The following NEB variants were observed in gnomAD, a reference collection of about 807,000 sequenced individuals.
The protein encoded by NEB is nemaline myopathy type 2.
Under a neutral mutation model 952.2 loss-of-function variants are expected in NEB, and 512 were observed. That is an observed-to-expected ratio of 0.54 (90% confidence interval 0.50 to 0.58). The LOEUF is 0.58. NEB is among the 20% of genes least tolerant of loss of function. The probability of loss-of-function intolerance (pLI) is 0.00; values close to 1 mark genes in which losing one functional copy is unlikely to be tolerated. For missense variants in NEB, 8,428 were observed against 9,231.1 expected, an observed-to-expected ratio of 0.91 and a Z score of 3.56; for synonymous variants, 2,900 against 3,149.8, an observed-to-expected ratio of 0.92 and a Z score of 2.66.
intron 142 of NEB, 81 bp downstream of exon 142, chr2:151,535,610 A>G (rs2093012694): frequency 1.2e-6 from 1 of 817,340 alleles, no homozygotes; most frequent in African/African-American, 1.7e-5. Flanking sequence ...CATTCTGTGT[A>G]TTGGGCTTTA....
chr2:151,537,852 T>C lies in NEB; in HGVS notation c.21102+20A>G. On this transcript the variant is annotated intron_variant, in intron 140 of 181. Coordinates refer to ENST00000397345, the MANE Select transcript of NEB (RefSeq NM_001164508.2). ...GGGAATATGAATTTATATGTGAAAA[T>C]AGAAGATGTCAACACTCACATCACT... 4.0e-6 allele frequency: 6 copies of C among 1,488,650 alleles called. No homozygotes were observed. The highest frequency in any genetic ancestry group is 5.5e-6 in the Non-Finnish European group (6 of 1,093,844). The allele number at this position is 1,488,650 out of a possible 1,614,324, so 92.2% of individuals were successfully genotyped here.
At chr2:151,690,378 G>T in intron 24 of NEB, 2 of 194,108 alleles carry the variant, frequency 1.0e-5, no homozygotes, top group South Asian at 9.2e-5. Flanking sequence ...TTCAAGAATC[G>T]GAAATATTTG....
chr2:151,509,652 G>A (rs1051577753), intron 161 of NEB, among the ~76,000 whole-genome samples: 2 of 151,984 alleles, frequency 1.3e-5, no homozygotes, highest in African/African-American at 4.8e-5. Context: ...TTTTTGAGGC[G>A]GAGTTTCGCA....
At chr2:151,725,213 G>A (rs1460729881) in intron 6 of NEB, among the ~76,000 whole-genome samples, 2 of 152,250 alleles carry the variant, frequency 1.3e-5, no homozygotes, top group African/African-American at 2.4e-5. Context: ...GAACCACAGT[G>A]AGTTGGAGCT....
Position 151,617,469 on chromosome 2 carries a change from CTA to C in NEB, c.11077-3_11077-2del. ...TGTCCCAGGCTTCAGTATATAAGCG[CTA>C]CAAAAAAAAAAAAAAAAGAGAGAGA... On this transcript the variant is annotated splice_acceptor_variant and splice_polypyrimidine_tract_variant and intron_variant, in intron 74 of 181. Coordinates refer to ENST00000397345, the MANE Select transcript of NEB (RefSeq NM_001164508.2). LOFTEE classifies it high-confidence loss of function. The C allele has an allele frequency of 8.3e-7, 1 of 1,203,434 alleles. No individual in the cohort carries two copies. Among genetic ancestry groups the C allele is most frequent in the Non-Finnish European group, 1.1e-6 (1 of 916,616 alleles). 74.5% of individuals were successfully genotyped at this position (1,203,434 alleles called of 1,614,324 possible). A position where few individuals can be genotyped will look rare whatever the true frequency, so the allele number is the denominator to read the frequency against.
chr2:151,508,951 G>A (rs575979401), intron 161 of NEB, among the ~76,000 whole-genome samples: 2 of 152,280 alleles, frequency 1.3e-5, no homozygotes, highest in Admixed American at 1.3e-4. Context: ...ATCATCGCTT[G>A]TCACTGTCCT....
chr2:151,620,347 GTATATATATATATATATATATA>G (rs71000481), intron 72 of NEB, among the ~76,000 whole-genome samples: 12 of 48,464 alleles, frequency 2.5e-4, no homozygotes, highest in South Asian at 1.8e-3. Flanking sequence ...GTATGTGTGT[GTATATATATATATATATATATA>G]TATATATATA....
rs531466579 is a variant in NEB at position 151,561,609 on chromosome 2, TTA to T, written c.18997-299_18997-298del. Among the ~76,000 whole-genome samples, 611 of 151,818 alleles carry T rather than the reference TTA, an allele frequency of 4.0e-3. 11 individuals carry two copies. Among genetic ancestry groups the T allele is most frequent in the East Asian group, 0.04 (202 of 5,096 alleles). ...TTTGGTTTCGAACACTTTTTTTTTT[TTA>T]TTATTATACTTTAAGTTTTAGGGTA... On this transcript the variant is annotated intron_variant, in intron 121 of 181. Transcript: ENST00000397345.
At chr2:151,512,603 T>G (rs13023600) in intron 161 of NEB, 130 bp downstream of exon 161, 1 of 753,048 alleles carries the variant, frequency 1.3e-6, no homozygotes, top group Non-Finnish European at 2.3e-6. Flanking sequence ...CGTGAGCCAC[T>G]GCACCTGGTG....
intron 141 of NEB, 117 bp from the exon 142 acceptor site, chr2:151,535,912 CGTTT>C (rs1173605695): frequency 3.1e-5 from 19 of 615,806 alleles, no homozygotes; most frequent in East Asian, 1.9e-4. Flanking sequence ...AACACATATT[CGTTT>C]GTTTGTTTTG....
intron 77 of NEB, among the ~76,000 whole-genome samples, chr2:151,613,939 T>C (rs1381252344): frequency 1.3e-5 from 2 of 152,232 alleles, no homozygotes; most frequent in African/African-American, 2.4e-5. Context: ...TAGTTCTTTA[T>C]AGCACTGTGA....
At chr2:151,640,299 A>C in intron 61 of NEB, 56 bp downstream of exon 61, 1 of 1,586,574 alleles carries the variant, frequency 6.3e-7, no homozygotes, top group Non-Finnish European at 8.6e-7. Context: ...CATTTTCTCC[A>C]AGGGGTGTTA....
At chr2:151,671,944 A>G (rs2099303598) in intron 37 of NEB, among the ~76,000 whole-genome samples, 1 of 151,586 alleles carries the variant, frequency 6.6e-6, no homozygotes, top group Non-Finnish European at 1.5e-5. Context: ...GACTCATTAC[A>G]GAGATTTACA....
chr2:151,716,141 T>C, intron 10 of NEB: 3 of 440,712 alleles, frequency 6.8e-6, no homozygotes, highest in Admixed American at 2.5e-5. Context: ...TTTTTTTTTT[T>C]CTTTTTTTCT....
chr2:151,726,614 T>C (rs1275251151), intron 5 of NEB, among the ~76,000 whole-genome samples: 1 of 152,194 alleles, frequency 6.6e-6, no homozygotes, highest in Non-Finnish European at 1.5e-5. Context: ...TGAATCTGTC[T>C]GAATCAGTCA....
Position 151,697,540 on chromosome 2 carries a change from T to C in NEB, c.1257+4A>G, listed in dbSNP as rs2099605351. On this transcript the variant is annotated splice_donor_region_variant and intron_variant, in intron 14 of 181. Transcript: ENST00000397345. ...ACAGAAAGAGTGACAGTAGGATTGC[T>C]TACATCACTACTGAAGTTCTGCAGA... 3 of 1,609,480 alleles carry C rather than the reference T, an allele frequency of 1.9e-6. No individual in the cohort carries two copies. The highest frequency in any genetic ancestry group is 1.3e-5 in the African/African-American group (1 of 74,768).
intron 157 of NEB, 54 bp from the exon 158 acceptor site, chr2:151,514,982 ATCTC>A: frequency 9.1e-7 from 1 of 1,102,546 alleles, no homozygotes; most frequent in East Asian, 2.6e-5. Flanking sequence ...ATTACAATAT[ATCTC>A]TCCATCTCAG....
intron 180 of NEB, 53 bp from the exon 181 acceptor site, chr2:151,490,130 T>A: frequency 7.2e-7 from 1 of 1,387,142 alleles, no homozygotes; most frequent in South Asian, 1.3e-5. Context: ...TAGGTATCCT[T>A]TAATCTGTGT....
Position 151,723,465 on chromosome 2 carries a change from C to T in NEB, c.634G>A (p.Glu212Lys). 6.2e-7 allele frequency: 1 copy of T among 1,607,900 alleles called. No individual in the cohort carries two copies. The highest frequency in any genetic ancestry group is 8.5e-7 in the Non-Finnish European group (1 of 1,176,926). The change falls in exon 9 of 182, where the codon GAA becomes AAA. Residue 212 changes from glutamate (E) to lysine (K), a missense_variant. Glu to Lys is a moderately conservative substitution (Grantham distance 56, BLOSUM62 1). Coordinates refer to ENST00000397345, the MANE Select transcript of NEB (RefSeq NM_001164508.2). ...FSKKLYTEDW[E>K]ADKSLFYPYN... ...GGGTAAAACAAACTTTTGTCTGCTT[C>T]CCAGTCTTCAGTGTACAGTTTCTAA...
Sources: allele counts gnomAD v4.1 joint callset (sites outside exome capture counted in the v4.1 genomes callset), GRCh38; gene constraint gnomAD v4.1.1; transcripts MANE v1.5; gene names NCBI Gene and HGNC (gene_info 2026-07-23, HGNC 2026-07-21).